Variants in EFHC1 observed in about 807,000 individuals in gnomAD.
The protein encoded by EFHC1 is EF-hand domain containing 1, also known as EF-hand domain-containing protein 1.
Under a neutral mutation model 69.9 loss-of-function variants are expected in EFHC1, and 53 were observed. That is an observed-to-expected ratio of 0.76 (90% confidence interval 0.61 to 0.95). The LOEUF (loss-of-function observed/expected upper bound fraction) is 0.95. Ranked by LOEUF, EFHC1 falls within the 40% of genes least tolerant of loss-of-function variation. The pLI is 0.00. For missense variants in EFHC1, 739 were observed against 798.7 expected, an observed-to-expected ratio of 0.93 and a Z score of 0.90; for synonymous variants, 256 against 278.4, an observed-to-expected ratio of 0.92 and a Z score of 0.80.
intron 7 of EFHC1, among the ~76,000 whole-genome samples, chr6:52,478,256 CA>C (rs1765587123): frequency 6.6e-6 from 1 of 151,236 alleles, no homozygotes; most frequent in Non-Finnish European, 1.5e-5. Context: ...AGGGGAATTT[CA>C]CACTCTGGGG....
chr6:52,448,512 G>A (rs1764840163), intron 3 of EFHC1, among the ~76,000 whole-genome samples: 1 of 152,110 alleles, frequency 6.6e-6, no homozygotes, highest in South Asian at 2.1e-4. Flanking sequence ...CCGACCCCTT[G>A]TGCTTCCCAG....
intron 1 of EFHC1, among the ~76,000 whole-genome samples, chr6:52,422,738 TATTTA>T (rs952065687): frequency 7.2e-5 from 11 of 152,316 alleles, no homozygotes; most frequent in Admixed American, 2.0e-4. Flanking sequence ...TACTCTTTTT[TATTTA>T]ATCTTTTAAA....
Position 52,479,677 on chromosome 6 carries a change from G to C in EFHC1, c.1530G>C (p.Glu510Asp). ...GGTTCATCATCCTTGATACAGACGA[G>C]TATGTTTTGAAATACATGGAGAGCA... ...GHRFIILDTD[E>D]YVLKYMESNA... Residue 510 changes from glutamate (E) to aspartate (D), a missense_variant, in exon 9 of 11, where the codon GAG becomes GAC. Glu to Asp is a conservative substitution (Grantham distance 45). Coordinates refer to ENST00000371068, the MANE Select transcript of EFHC1 (RefSeq NM_018100.4). 6.2e-7 allele frequency: 1 copy of C among 1,614,156 alleles called. No individual in the cohort carries two copies. Among genetic ancestry groups the C allele is most frequent in the Non-Finnish European group, 8.5e-7 (1 of 1,180,032 alleles).
At chr6:52,422,458 A>G (rs1161269535) in intron 1 of EFHC1, among the ~76,000 whole-genome samples, 2 of 152,118 alleles carry the variant, frequency 1.3e-5, no homozygotes, top group African/African-American at 4.8e-5. Context: ...AATGTCATAC[A>G]TTTGTTTTTA....
rs1366145111 is a variant in EFHC1 at position 52,494,175 on chromosome 6, T to C, written c.*1834T>C. Reference sequence around the variant, plus strand: ...AAAAATATCACAAGTTGAAAACACATTTAATAACCCTGATAAGCCCATTGT... The same window carrying C: ...AAAAATATCACAAGTTGAAAACACACTTAATAACCCTGATAAGCCCATTGT... On this transcript the variant is annotated 3_prime_UTR_variant, in exon 11 of 11. Transcript: ENST00000371068. 1 of 454,082 alleles carries C rather than the reference T, an allele frequency of 2.2e-6. No individual in the cohort carries two copies. Among genetic ancestry groups the C allele is most frequent in the Admixed American group, 2.3e-5 (1 of 42,554 alleles). 28.1% of individuals were successfully genotyped at this position (454,082 alleles called of 1,614,324 possible).
At chr6:52,455,006 C>T (rs1562453618) in intron 5 of EFHC1, among the ~76,000 whole-genome samples, 1 of 152,032 alleles carries the variant, frequency 6.6e-6, no homozygotes, top group South Asian at 2.1e-4. Flanking sequence ...GTGGGAGGAT[C>T]ATCTGAGCCT....
At chr6:52,463,443 A>G (rs1765220931) in intron 5 of EFHC1, among the ~76,000 whole-genome samples, 2 of 152,236 alleles carry the variant, frequency 1.3e-5, no homozygotes, top group South Asian at 4.1e-4. Context: ...CAGCAGATCC[A>G]GATAATCTTA....
Position 52,424,069 on chromosome 6 carries a change from G to A in EFHC1, c.187G>A (p.Asp63Asn), listed in dbSNP as rs750083920. ...QFNQLSQAELDELASKAPVLT... is the reference protein window; with the variant it reads ...QFNQLSQAELNELASKAPVLT... ...CAACCAGCTGTCCCAGGCTGAGCTGGATGAGTTGGCCAGTAAGGCACCAGT... is the reference window on the plus strand; with the variant it reads ...CAACCAGCTGTCCCAGGCTGAGCTGAATGAGTTGGCCAGTAAGGCACCAGT... The change falls in exon 2 of 11, where the codon GAT becomes AAT. Residue 63 changes from aspartate to asparagine, a missense_variant. Physicochemically the swap from Asp to Asn is conservative, Grantham distance 23. Coordinates refer to ENST00000371068, the MANE Select transcript of EFHC1 (RefSeq NM_018100.4). 2.5e-6 allele frequency: 4 copies of A among 1,614,142 alleles called. No homozygotes were observed. In the Admixed American group the frequency reaches 5.0e-5, roughly 20 times the overall value.
intron 8 of EFHC1, 99 bp downstream of exon 8, chr6:52,479,349 A>G (rs1765620125): frequency 7.7e-7 from 1 of 1,300,514 alleles, no homozygotes; most frequent in Admixed American, 1.8e-5. Flanking sequence ...ATTAGATTGT[A>G]TTGCAACTGA....
chr6:52,433,679 A>G (rs1764464285), intron 2 of EFHC1, among the ~76,000 whole-genome samples: 1 of 152,172 alleles, frequency 6.6e-6, no homozygotes, highest in Admixed American at 6.5e-5. Flanking sequence ...GGTGTTTTCA[A>G]GATAGCATTA....
chr6:52,439,106 A>G (rs1764601557), intron 3 of EFHC1, among the ~76,000 whole-genome samples: 1 of 152,202 alleles, frequency 6.6e-6, no homozygotes, highest in South Asian at 2.1e-4. Context: ...AACCTCTTCT[A>G]TATGTAAAAA....
At chr6:52,443,806 T>TA (rs1198297576) in intron 3 of EFHC1, among the ~76,000 whole-genome samples, 1 of 152,220 alleles carries the variant, frequency 6.6e-6, no homozygotes, top group Non-Finnish European at 1.5e-5. Context: ...TTAAAGTAAT[T>TA]TTTTCCAATT....
chr6:52,470,229 A>C (rs927388312), intron 7 of EFHC1, among the ~76,000 whole-genome samples: 3 of 152,320 alleles, frequency 2.0e-5, no homozygotes, highest in Admixed American at 6.5e-5. Context: ...ATTTTAGAAA[A>C]CGATTGCACA....
chr6:52,425,492 C>T (rs1389109099), intron 2 of EFHC1, among the ~76,000 whole-genome samples: 2 of 151,954 alleles, frequency 1.3e-5, no homozygotes, highest in Admixed American at 6.6e-5. Context: ...GGAGAAATTG[C>T]GCTTGAGTAG....
intron 6 of EFHC1, among the ~76,000 whole-genome samples, chr6:52,466,716 G>T (rs1364071302): frequency 6.6e-6 from 1 of 152,090 alleles, no homozygotes; most frequent in Non-Finnish European, 1.5e-5. Flanking sequence ...TGGCTATGAA[G>T]GTGTTCTGCA....
chr6:52,445,526 A>AT (rs1374746327), intron 3 of EFHC1, among the ~76,000 whole-genome samples: 1 of 141,146 alleles, frequency 7.1e-6, no homozygotes, highest in African/African-American at 2.6e-5. Context: ...GGATTCATTG[A>AT]TTTTTTGAAG....
At position 52,479,634 on chromosome 6, in the gene EFHC1, C is replaced by A. The variant is rs1017529204; in HGVS notation, c.1493-6C>A. On this transcript the variant is annotated splice_region_variant and splice_polypyrimidine_tract_variant and intron_variant, in intron 8 of 10. Coordinates refer to ENST00000371068, the MANE Select transcript of EFHC1 (RefSeq NM_018100.4). ...CAAGCTAAGTGTGTTGCTACCTTCT[C>A]TCCAGTGTTTGGTCACCGGTTCATC... is the stretch of plus-strand genomic sequence containing the variant. 6.2e-7 allele frequency: 1 copy of A among 1,614,232 alleles called. No individual in the cohort carries two copies. Among genetic ancestry groups the A allele is most frequent in the Non-Finnish European group, 8.5e-7 (1 of 1,180,038 alleles).
chr6:52,460,606 A>T (rs1355367143), intron 5 of EFHC1, among the ~76,000 whole-genome samples: 2 of 152,230 alleles, frequency 1.3e-5, no homozygotes, highest in Admixed American at 6.5e-5. Flanking sequence ...ATTCGAAAAG[A>T]TCATGAAAGC....
intron 3 of EFHC1, among the ~76,000 whole-genome samples, chr6:52,440,875 T>C (rs1764647715): frequency 1.3e-5 from 2 of 152,180 alleles, no homozygotes; most frequent in Admixed American, 1.3e-4. Context: ...TTTGCATTTC[T>C]CTAATGATAG....
Sources: allele counts gnomAD v4.1 joint callset (sites outside exome capture counted in the v4.1 genomes callset), GRCh38; gene constraint gnomAD v4.1.1; transcripts MANE v1.5; gene names NCBI Gene and HGNC (gene_info 2026-07-23, HGNC 2026-07-21).